DLG2: variants seen among roughly 807,000 people sequenced by gnomAD.
The protein encoded by DLG2 is disks large homolog 2.
DLG2 carries 45 observed loss-of-function variants against 132.5 expected under a neutral mutation model. The observed-to-expected ratio is 0.34, with a 90% confidence interval of 0.27 to 0.44. The LOEUF is 0.44. Ranked by LOEUF, DLG2 falls within the 20% of genes least tolerant of loss-of-function variation. The probability of loss-of-function intolerance (pLI) is 1.00; values close to 1 mark genes in which losing one functional copy is unlikely to be tolerated. For missense variants in DLG2, 1,045 were observed against 1,196.9 expected, an observed-to-expected ratio of 0.87 and a Z score of 1.87; for synonymous variants, 424 against 419.6, an observed-to-expected ratio of 1.01 and a Z score of -0.13.
chr11:85,463,360 C>T (rs1010917332), intron 3 of DLG2, among the ~76,000 whole-genome samples: 12 of 152,102 alleles, frequency 7.9e-5, no homozygotes, highest in Non-Finnish European at 1.5e-5. Flanking sequence ...TTGAAATATC[C>T]TTAGCAGAAA....
chr11:84,125,632 C>T lies in DLG2; in HGVS notation c.625-26585G>A, dbSNP rs118157740. Among the ~76,000 whole-genome samples, 1,253 of 152,276 alleles carry T rather than the reference C, an allele frequency of 8.2e-3. 10 individuals carry two copies. The highest frequency in any genetic ancestry group is 0.02 in the Middle Eastern group (6 of 294). ...CTACCACTGTAGGCTTCAGGCACAG[C>T]TGTCAATAAGAAACCCAGTGGTCAG... is the stretch of plus-strand genomic sequence containing the variant. On this transcript the variant is annotated intron_variant, in intron 9 of 27. Transcript: ENST00000376104.
intron 6 of DLG2, chr11:84,546,579 C>CAACT: frequency 2.2e-6 from 1 of 449,954 alleles, no homozygotes; most frequent in Non-Finnish European, 4.3e-6. Flanking sequence ...CCTCTTGAGA[C>CAACT]AACTGTCTTT....
At chr11:85,581,303 C>G (rs138474623) in intron 3 of DLG2, among the ~76,000 whole-genome samples, 1 of 152,078 alleles carries the variant, frequency 6.6e-6, no homozygotes. Flanking sequence ...AGATCTTTCA[C>G]TTAAATCTCT....
chr11:85,228,994 T>A (rs2075137228), intron 4 of DLG2, among the ~76,000 whole-genome samples: 1 of 151,652 alleles, frequency 6.6e-6, no homozygotes, highest in South Asian at 2.1e-4. Flanking sequence ...TTTTTTTGTA[T>A]TTTTAGTGTT....
intron 6 of DLG2, among the ~76,000 whole-genome samples, chr11:85,041,175 C>G (rs1248423555): frequency 6.6e-6 from 1 of 151,752 alleles, no homozygotes; most frequent in Non-Finnish European, 1.5e-5. Flanking sequence ...TTACGAAGAA[C>G]TTGGAGGGTT....
chr11:83,821,994 C>T (rs143136112), intron 17 of DLG2, among the ~76,000 whole-genome samples: 7 of 152,022 alleles, frequency 4.6e-5, no homozygotes, highest in African/African-American at 1.2e-4. Flanking sequence ...AGGAACTTGT[C>T]GAAAGATATT....
At chr11:84,360,199 C>T (rs1437060409) in intron 7 of DLG2, among the ~76,000 whole-genome samples, 1 of 151,606 alleles carries the variant, frequency 6.6e-6, no homozygotes, top group African/African-American at 2.4e-5. Context: ...CTTATAGCCA[C>T]ATTATCTCAA....
chr11:85,444,379 AT>A (rs2091916279), intron 3 of DLG2, among the ~76,000 whole-genome samples: 1 of 152,230 alleles, frequency 6.6e-6, no homozygotes, highest in African/African-American at 2.4e-5. Flanking sequence ...GAATTGCTCT[AT>A]GGCTAACAGG....
intron 4 of DLG2, among the ~76,000 whole-genome samples, chr11:85,275,995 A>AACAAGCCATTTG (rs1203631567): frequency 6.6e-6 from 1 of 152,212 alleles, no homozygotes; most frequent in Non-Finnish European, 1.5e-5. Context: ...GTCTCCACAT[A>AACAAGCCATTTG]AAGCTCTCCA....
chr11:85,381,590 T>A (rs1232836661), intron 3 of DLG2, among the ~76,000 whole-genome samples: 1 of 152,064 alleles, frequency 6.6e-6, no homozygotes, highest in Non-Finnish European at 1.5e-5. Context: ...TGATCTCGTA[T>A]ATAGAAAATA....
At chr11:83,787,340 T>TTTTTTTTTTTTTTTTTTTTTTTTTTTG (rs66699053) in intron 17 of DLG2, among the ~76,000 whole-genome samples, 1 of 102,756 alleles carries the variant, frequency 9.7e-6, no homozygotes, top group Non-Finnish European at 1.8e-5. Flanking sequence ...TTTTTTTTTT[T>TTTTTTTTTTTTTTTTTTTTTTTTTTTG]AGACAGAGTC....
intron 6 of DLG2, among the ~76,000 whole-genome samples, chr11:84,641,742 T>C (rs2099666549): frequency 6.6e-6 from 1 of 152,126 alleles, no homozygotes; most frequent in Non-Finnish European, 1.5e-5. Flanking sequence ...ATAATAACAG[T>C]ACCTAACTCA....
rs532001539 is a variant in DLG2, at chr11:85,425,753, C to T, written c.41-140388G>A. On this transcript the variant is annotated intron_variant, in intron 3 of 27. Coordinates refer to ENST00000376104, the MANE Select transcript of DLG2 (RefSeq NM_001142699.3). Reference sequence around the variant, plus strand: ...GATTTCTGCATCTCCAACTGAGGTACCAGGTTCATCTCACTGGGGAGTGTC... The same window carrying T: ...GATTTCTGCATCTCCAACTGAGGTATCAGGTTCATCTCACTGGGGAGTGTC... Among the ~76,000 whole-genome samples, 164 of 152,242 alleles carry T rather than the reference C, an allele frequency of 1.1e-3. 1 individual carries two copies. The highest frequency in any genetic ancestry group is 2.1e-3 in the Non-Finnish European group (140 of 68,020).
chr11:85,561,532 C>T (rs2077246191), intron 3 of DLG2, among the ~76,000 whole-genome samples: 1 of 151,402 alleles, frequency 6.6e-6, no homozygotes, highest in Non-Finnish European at 1.5e-5. Flanking sequence ...AAATTTCCCT[C>T]GCATTAGCAC....
intron 3 of DLG2, among the ~76,000 whole-genome samples, chr11:85,333,315 G>T: frequency 6.6e-6 from 1 of 152,202 alleles, no homozygotes; most frequent in Non-Finnish European, 1.5e-5. Context: ...TATTGAAGTT[G>T]TTTATCAGTT....
intron 17 of DLG2, among the ~76,000 whole-genome samples, chr11:83,795,742 T>C (rs1395569530): frequency 1.3e-5 from 2 of 152,134 alleles, no homozygotes; most frequent in Admixed American, 1.3e-4. Flanking sequence ...TCTGGAAATA[T>C]TTGTCTATTT....
intron 7 of DLG2, among the ~76,000 whole-genome samples, chr11:84,379,560 G>T (rs1457566331): frequency 6.6e-6 from 1 of 151,978 alleles, no homozygotes; most frequent in Admixed American, 6.6e-5. Flanking sequence ...AGTGATTCAA[G>T]ATGTAGAAAC....
At chr11:85,452,245 T>C (rs887995758) in intron 3 of DLG2, 1 of 152,048 alleles carries the variant, frequency 6.6e-6, no homozygotes, top group African/African-American at 2.4e-5. Context: ...GGTAGTTGTT[T>C]TTTTTTTTAA....
At chr11:85,563,293 T>G (rs1420980583) in intron 3 of DLG2, among the ~76,000 whole-genome samples, 2 of 151,824 alleles carry the variant, frequency 1.3e-5, no homozygotes, top group African/African-American at 4.8e-5. Flanking sequence ...TCTATAGTCA[T>G]GTAACCAACA....
Sources: gnomAD v4.1 joint callset for allele counts (sites outside exome capture counted in the v4.1 genomes callset) on GRCh38, gnomAD v4.1.1 for gene constraint, MANE v1.5 for transcripts, NCBI Gene and HGNC (gene_info 2026-07-23, HGNC 2026-07-21) for gene names.